ESYT2: variants seen among roughly 807,000 people sequenced by gnomAD.
ESYT2 encodes extended synaptotagmin 2.
A neutral mutation model predicts 107.2 loss-of-function variants in ESYT2; 54 were observed. The observed-to-expected ratio is 0.50, with a 90% CI of 0.40 to 0.63. The LOEUF (loss-of-function observed/expected upper bound fraction) is 0.63, where lower values mean the gene tolerates loss of function less well. ESYT2 is among the 30% of genes least tolerant of loss of function. ESYT2 has a pLI of 0.00. For missense variants in ESYT2, 1,020 were observed against 1,094.5 expected, an observed-to-expected ratio of 0.93 and a Z score of 0.96; for synonymous variants, 491 against 434.1, an observed-to-expected ratio of 1.13 and a Z score of -1.63.
chr7:158,762,396 G>A (rs1392968252), intron 10 of ESYT2, among the ~76,000 whole-genome samples: 3 of 152,166 alleles, frequency 2.0e-5, no homozygotes, highest in Non-Finnish European at 2.9e-5. Flanking sequence ...AGTTGTCCTG[G>A]GAAGTCTCAT....
chr7:158,782,259 G>C (rs949550278), intron 6 of ESYT2, among the ~76,000 whole-genome samples: 5 of 148,830 alleles, frequency 3.4e-5, no homozygotes, highest in Non-Finnish European at 7.4e-5. Flanking sequence ...GAGTGAACAA[G>C]TATGAGTGTG....
intron 22 of ESYT2, 67 bp downstream of exon 22, chr7:158,734,354 AC>A (rs1424258372): frequency 2.5e-5 from 40 of 1,610,056 alleles, no homozygotes; most frequent in Admixed American, 5.0e-5. Context: ...GGGGGACACT[AC>A]CCACTGGGCG....
chr7:158,760,744 T>TA (rs1225377129), intron 11 of ESYT2, among the ~76,000 whole-genome samples: 74 of 152,326 alleles, frequency 4.9e-4, no homozygotes, highest in African/African-American at 1.6e-3. Context: ...AATAAAATAG[T>TA]ATACAGTTGT....
chr7:158,764,650 A>T (rs1838088192), intron 9 of ESYT2, 27 bp downstream of exon 9: 3 of 1,608,790 alleles, frequency 1.9e-6, no homozygotes, highest in Non-Finnish European at 2.5e-6. Flanking sequence ...CCACCACCCC[A>T]GCAACACAGC....
rs376570857 is a variant in ESYT2, at chr7:158,743,281, C to G, written c.1794+248G>C. Among the ~76,000 whole-genome samples, 5 of 152,216 alleles carry G rather than the reference C, an allele frequency of 3.3e-5. No individual in the cohort carries two copies. In the East Asian group the frequency reaches 7.7e-4, roughly 24 times the overall value. On this transcript the variant is annotated intron_variant, in intron 17 of 22. Coordinates refer to ENST00000275418, the MANE Select transcript of ESYT2 (RefSeq NM_001367773.1). The stretch of plus-strand genomic sequence containing the variant: ...CACAGGAAAGCACTGTTTGAGTAGC[C>G]GTGGGCCTGCTCGGGCAACCTGGAA...
rs556761451 is a variant in ESYT2 at position 158,737,108 on chromosome 7, C to A, written c.2339G>T (p.Arg780Leu). 1 of 1,613,824 alleles carries A rather than the reference C, an allele frequency of 6.2e-7. No individual in the cohort carries two copies. Among genetic ancestry groups the A allele is most frequent in the Non-Finnish European group, 8.5e-7 (1 of 1,179,912 alleles). ...VRMYLLPDKRRSGRRKTHVSK... is the reference protein window; with the variant it reads ...VRMYLLPDKRLSGRRKTHVSK... ...CACGTGTGTTTTCCTCCTTCCTGAC[C>A]GCCTCTTGTCTGGTAATAAATACAT... is the stretch of plus-strand genomic sequence containing the variant. The change falls in exon 20 of 23, where the codon CGG (arginine) becomes CTG (leucine). Residue 780 changes from arginine to leucine, a missense_variant. Coordinates refer to ENST00000275418, the MANE Select transcript of ESYT2 (RefSeq NM_001367773.1).
At chr7:158,741,383 C>A (rs1246460183) in intron 18 of ESYT2, 140 bp downstream of exon 18, 1 of 1,268,164 alleles carries the variant, frequency 7.9e-7, no homozygotes, top group African/African-American at 1.5e-5. Flanking sequence ...ACCTGAAGTG[C>A]TTTCAGTTAA....
intron 1 of ESYT2, among the ~76,000 whole-genome samples, chr7:158,803,783 G>C (rs547150807): frequency 6.6e-6 from 1 of 150,494 alleles, no homozygotes; most frequent in South Asian, 2.1e-4. Flanking sequence ...GCCGAGAAGG[G>C]TGAGGCGCGT....
rs1386378987 is a variant in ESYT2, at chr7:158,788,563, C to CA, written c.585-147dup. 5.1e-5 allele frequency: 34 copies of CA among 670,182 alleles called. No homozygotes were observed. The East Asian group carries it at 9.5e-4, about 19-fold the overall frequency. 41.5% of individuals were successfully genotyped at this position (670,182 alleles called of 1,614,324 possible). ...GTAAAAACCCTAAAATGTGGCCCAT[C>CA]AAATTATAGTATTTTACTGCTCCAG... On this transcript the variant is annotated intron_variant, in intron 4 of 22. Coordinates refer to ENST00000275418, the MANE Select transcript of ESYT2 (RefSeq NM_001367773.1).
At chr7:158,821,064 T>TA (rs1840273386) in intron 1 of ESYT2, among the ~76,000 whole-genome samples, 1 of 152,114 alleles carries the variant, frequency 6.6e-6, no homozygotes, top group Non-Finnish European at 1.5e-5. Context: ...TTCACAAAAA[T>TA]AAATAGTTTG....
intron 1 of ESYT2, among the ~76,000 whole-genome samples, chr7:158,803,369 C>A (rs2788496): frequency 0.66 from 99,799 of 152,076 alleles, 34,977 homozygotes; most frequent in Non-Finnish European, 0.78. Context: ...CTCGGTTCTA[C>A]AAGAACATGA....
At chr7:158,774,466 T>G (rs1226219433) in intron 6 of ESYT2, among the ~76,000 whole-genome samples, 1 of 86,486 alleles carries the variant, frequency 1.2e-5, no homozygotes, top group Non-Finnish European at 2.3e-5. Context: ...AAAATAAATG[T>G]TTTTCCCTAG....
Position 158,798,154 on chromosome 7 carries a change from C to G in ESYT2, c.373-78G>C. 2.7e-6 allele frequency: 4 copies of G among 1,470,428 alleles called. No individual in the cohort carries two copies. In the South Asian group the frequency reaches 4.9e-5, roughly 18 times the overall value. 91.1% of individuals were successfully genotyped at this position (1,470,428 alleles called of 1,614,324 possible). The stretch of plus-strand genomic sequence containing the variant: ...CACACGAGTGCTCGTGAGAAACCCT[C>G]GCAACAGACCAAACCTGGTTTTGAA... On this transcript the variant is annotated intron_variant, in intron 2 of 22. Coordinates refer to ENST00000275418, the MANE Select transcript of ESYT2 (RefSeq NM_001367773.1).
intron 1 of ESYT2, among the ~76,000 whole-genome samples, chr7:158,814,387 CA>C (rs1840092756): frequency 1.4e-5 from 2 of 140,978 alleles, no homozygotes; most frequent in African/African-American, 2.7e-5. Flanking sequence ...TCTCACAGAT[CA>C]AAAACGTTTT....
At chr7:158,820,546 T>A (rs1840260169) in intron 1 of ESYT2, among the ~76,000 whole-genome samples, 2 of 152,198 alleles carry the variant, frequency 1.3e-5, no homozygotes, top group African/African-American at 4.8e-5. Context: ...CTCCCAGATC[T>A]TTGGGAAGTA....
At chr7:158,734,323 T>C in intron 22 of ESYT2, 71 bp from the exon 23 acceptor site, 1 of 1,612,574 alleles carries the variant, frequency 6.2e-7, no homozygotes, top group Non-Finnish European at 8.5e-7. Flanking sequence ...CAGATACGTG[T>C]CGGGTTCCAC....
chr7:158,764,218 C>G (rs1252019404), intron 9 of ESYT2, among the ~76,000 whole-genome samples: 1 of 152,102 alleles, frequency 6.6e-6, no homozygotes, highest in African/African-American at 2.4e-5. Context: ...CTAGGCCTCT[C>G]TGGGTAAACA....
At chr7:158,801,321 T>C (rs1486397883) in intron 1 of ESYT2, among the ~76,000 whole-genome samples, 2 of 152,232 alleles carry the variant, frequency 1.3e-5, no homozygotes, top group Non-Finnish European at 2.9e-5. Flanking sequence ...CTCTTAGTAG[T>C]GTTATCCCAA....
At chr7:158,735,863 C>A (rs960813305) in intron 20 of ESYT2, among the ~76,000 whole-genome samples, 3 of 152,156 alleles carry the variant, frequency 2.0e-5, no homozygotes, top group Admixed American at 2.0e-4. Flanking sequence ...CTGGCTCACT[C>A]ACGGGTGGGT....
Sources: allele counts gnomAD v4.1 joint callset (sites outside exome capture counted in the v4.1 genomes callset), GRCh38; gene constraint gnomAD v4.1.1; transcripts MANE v1.5; gene names NCBI Gene and HGNC (gene_info 2026-07-23, HGNC 2026-07-21).